Variants in CHODL observed in about 807,000 individuals in gnomAD.
CHODL encodes transmembrane protein MT75.
A neutral mutation model predicts 34.5 loss-of-function variants in CHODL; 29 were observed. The ratio of observed to expected loss-of-function variants is 0.84; its 90% CI spans 0.63 to 1.15. The LOEUF (loss-of-function observed/expected upper bound fraction) is 1.15, where lower values mean the gene tolerates loss of function less well. CHODL is among the 50% of genes most tolerant of loss of function. The probability of loss-of-function intolerance (pLI) is 0.00; values close to 1 mark genes in which losing one functional copy is unlikely to be tolerated. For missense variants in CHODL, 332 were observed against 332.5 expected (o/e 1.00, Z 0.01); for synonymous variants, 125 against 116.1 (o/e 1.08, Z -0.49).
At chr21:17,951,553 A>T (rs1414320692) in intron 1 of CHODL, among the ~76,000 whole-genome samples, 1 of 88,410 alleles carries the variant, frequency 1.1e-5, no homozygotes, top group Non-Finnish European at 3.0e-5. Context: ...CACAATCCAC[A>T]TGTTAGATTT....
intron 5 of CHODL, 70 bp downstream of exon 5, chr21:18,262,963 A>G (rs2074400867): frequency 2.3e-6 from 2 of 853,906 alleles, no homozygotes; most frequent in East Asian, 4.9e-5. Flanking sequence ...TTTTAAAACT[A>G]TTAGCATAAA....
At chr21:17,989,790 G>C (rs1349710563) in intron 1 of CHODL, among the ~76,000 whole-genome samples, 1 of 152,080 alleles carries the variant, frequency 6.6e-6, no homozygotes, top group African/African-American at 2.4e-5. Context: ...AAAATAAATT[G>C]GTACTACGGA....
chr21:18,010,530 A>G (rs952445832), intron 1 of CHODL, among the ~76,000 whole-genome samples: 3 of 152,050 alleles, frequency 2.0e-5, no homozygotes, highest in African/African-American at 7.2e-5. Flanking sequence ...TTTTCACAAA[A>G]TCCCAGCCTT....
chr21:18,074,819 C>T (rs918647562), intron 2 of CHODL, among the ~76,000 whole-genome samples: 3 of 151,990 alleles, frequency 2.0e-5, no homozygotes, highest in Admixed American at 1.3e-4. Context: ...AAAAATGTTG[C>T]TGATTGTGGA....
chr21:18,189,098 G>A (rs936436920), intron 2 of CHODL, among the ~76,000 whole-genome samples: 8 of 152,134 alleles, frequency 5.3e-5, no homozygotes, highest in Admixed American at 4.6e-4. Context: ...TCTCTTTATG[G>A]CTTTTCCTGG....
intron 4 of CHODL, among the ~76,000 whole-genome samples, chr21:18,260,719 G>A (rs1362468369): frequency 1.3e-5 from 2 of 152,046 alleles, no homozygotes; most frequent in African/African-American, 2.4e-5. Context: ...AAGCTGAGGT[G>A]GGAGAATCAC....
At chr21:17,964,954 C>A (rs1379812912) in intron 1 of CHODL, among the ~76,000 whole-genome samples, 3 of 152,078 alleles carry the variant, frequency 2.0e-5, no homozygotes, top group Admixed American at 6.6e-5. Flanking sequence ...AAAATAGAAG[C>A]CAAGAACATC....
intron 2 of CHODL, among the ~76,000 whole-genome samples, chr21:18,194,017 T>C (rs2073550574): frequency 6.6e-6 from 1 of 152,078 alleles, no homozygotes; most frequent in Non-Finnish European, 1.5e-5. Flanking sequence ...AATCTACCTT[T>C]GTAGCATATC....
At chr21:18,189,063 G>T (rs2073478988) in intron 2 of CHODL, among the ~76,000 whole-genome samples, 1 of 152,152 alleles carries the variant, frequency 6.6e-6, no homozygotes, top group South Asian at 2.1e-4. Context: ...ATAGTTTGTT[G>T]TCAGGCATAC....
At chr21:18,059,446 G>C (rs1027542702) in intron 2 of CHODL, among the ~76,000 whole-genome samples, 1 of 151,058 alleles carries the variant, frequency 6.6e-6, no homozygotes, top group African/African-American at 2.4e-5. Flanking sequence ...TTTTTCATTT[G>C]TATCCTTAAA....
At chr21:18,046,630 C>A (rs772359650) in intron 2 of CHODL, among the ~76,000 whole-genome samples, 4 of 151,866 alleles carry the variant, frequency 2.6e-5, no homozygotes, top group Non-Finnish European at 5.9e-5. Context: ...TTCTGTAGAA[C>A]ATAATTAAGG....
Position 17,955,839 on chromosome 21 carries a change from T to A in CHODL, c.-145+38439T>A, listed in dbSNP as rs1282295748. 2.2e-5 allele frequency among the ~76,000 whole-genome samples: 3 copies of A among 137,048 alleles called. 1 individual carries two copies. The highest frequency in any genetic ancestry group is 7.5e-5 in the African/African-American group (3 of 39,982). 89.9% of individuals were successfully genotyped at this position (137,048 alleles called of 152,430 possible). ...GTCACTTACTAATTCTGTGGTTAGA[T>A]GTCTTCAATCCTTTATTTGTCAATA... On this transcript the variant is annotated intron_variant, in intron 1 of 6. Transcript: ENST00000400127.
chr21:18,227,035 C>T (rs1352258142), intron 2 of CHODL, among the ~76,000 whole-genome samples: 1 of 152,108 alleles, frequency 6.6e-6, no homozygotes, highest in African/African-American at 2.4e-5. Context: ...GACCAAGGCT[C>T]CTGCAGATTT....
chr21:18,033,943 C>G (rs1379847729), intron 2 of CHODL, among the ~76,000 whole-genome samples: 1 of 151,846 alleles, frequency 6.6e-6, no homozygotes, highest in Non-Finnish European at 1.5e-5. Flanking sequence ...AAAGAAAAAA[C>G]CTTATAACAT....
chr21:18,071,202 C>T (rs1234409637), intron 2 of CHODL, among the ~76,000 whole-genome samples: 1 of 139,224 alleles, frequency 7.2e-6, no homozygotes, highest in African/African-American at 2.7e-5. Context: ...GGCTGGAGTA[C>T]AATGGTGCAG....
intron 2 of CHODL, among the ~76,000 whole-genome samples, chr21:18,049,290 T>C (rs765777014): frequency 2.4e-4 from 36 of 151,972 alleles, no homozygotes; most frequent in Non-Finnish European, 4.1e-4. Context: ...AAATAATTGA[T>C]AAACTTTTTA....
intron 2 of CHODL, among the ~76,000 whole-genome samples, chr21:18,032,326 A>G (rs773594598): frequency 6.6e-6 from 1 of 152,132 alleles, no homozygotes; most frequent in Non-Finnish European, 1.5e-5. Context: ...TCATAAATGT[A>G]TACAATTTTT....
intron 2 of CHODL, among the ~76,000 whole-genome samples, chr21:18,063,856 C>T (rs1335872668): frequency 6.6e-6 from 1 of 151,754 alleles, no homozygotes; most frequent in Admixed American, 6.6e-5. Flanking sequence ...TGCATCCTTT[C>T]TCTCACTCAC....
chr21:18,085,620 T>G (rs1383970936), intron 2 of CHODL, among the ~76,000 whole-genome samples: 2 of 152,166 alleles, frequency 1.3e-5, no homozygotes, highest in African/African-American at 4.8e-5. Context: ...AAGCTTTATT[T>G]GGCAAGATAC....
Sources: allele counts gnomAD v4.1 joint callset (sites outside exome capture counted in the v4.1 genomes callset), GRCh38; gene constraint gnomAD v4.1.1; transcripts MANE v1.5; gene names NCBI Gene and HGNC (gene_info 2026-07-23, HGNC 2026-07-21).